The following MYLK variants were observed in gnomAD, a reference collection of about 807,000 sequenced individuals.
The protein encoded by MYLK is myosin light chain kinase, also known as myosin light chain kinase, smooth muscle.
In MYLK, 106 loss-of-function variants were observed where a neutral mutation model predicts 203.4. That is an observed-to-expected ratio of 0.52 (90% confidence interval 0.45 to 0.61). The LOEUF (loss-of-function observed/expected upper bound fraction) is 0.61. Ranked by LOEUF, MYLK falls within the 20% of genes least tolerant of loss-of-function variation. The probability of loss-of-function intolerance (pLI) is 0.00; values close to 1 mark genes in which losing one functional copy is unlikely to be tolerated. For missense variants in MYLK, 2,072 were observed against 2,442.3 expected, an observed-to-expected ratio of 0.85 and a Z score of 3.20; for synonymous variants, 867 against 959.5, an observed-to-expected ratio of 0.90 and a Z score of 1.78.
Position 123,831,616 on chromosome 3 carries a change from G to C in MYLK, c.-72C>G, listed in dbSNP as rs2700352. On this transcript the variant is annotated 5_prime_UTR_variant, in exon 3 of 34. Transcript: ENST00000360304. ...ACAGGAAAGGCGTCCTGAAGCTCTC[G>C]GCTGGGAAGCTCCTGAAGTTGCTCT... 3.4e-6 allele frequency: 1 copy of C among 290,632 alleles called. No homozygotes were observed. Among genetic ancestry groups the C allele is most frequent in the Non-Finnish European group, 6.5e-6 (1 of 153,406 alleles). The allele number at this position is 290,632 out of a possible 1,614,324, so 18.0% of individuals were successfully genotyped here. A position where few individuals can be genotyped will look rare whatever the true frequency, so the allele number is the denominator to read the frequency against.
chr3:123,783,650 G>C (rs1231662061), intron 4 of MYLK, among the ~76,000 whole-genome samples: 2 of 151,762 alleles, frequency 1.3e-5, no homozygotes, highest in Admixed American at 6.7e-5. Flanking sequence ...AAAAATTCAA[G>C]CAATAAGAAT....
At chr3:123,871,848 C>G (rs1016475077) in intron 2 of MYLK, among the ~76,000 whole-genome samples, 2 of 61,098 alleles carry the variant, frequency 3.3e-5, no homozygotes, top group Non-Finnish European at 1.0e-4. Flanking sequence ...ACAAAGACAT[C>G]GGATCAATAT....
At chr3:123,734,909 C>G (rs1284183419) in intron 9 of MYLK, 2 of 231,860 alleles carry the variant, frequency 8.6e-6, no homozygotes, top group Admixed American at 4.9e-5. Flanking sequence ...CTATTCTAAT[C>G]AGTGCCTTCC....
intron 23 of MYLK, among the ~76,000 whole-genome samples, chr3:123,660,409 C>T (rs1318956222): frequency 6.6e-6 from 1 of 152,178 alleles, no homozygotes; most frequent in Non-Finnish European, 1.5e-5. Flanking sequence ...AAGAGACCTG[C>T]TTTTCTCGTG....
At chr3:123,669,267 C>T (rs10511420) in intron 20 of MYLK, among the ~76,000 whole-genome samples, 12,122 of 152,226 alleles carry the variant, frequency 0.08, 515 homozygotes, top group Middle Eastern at 0.14. Flanking sequence ...TCCATCCGTC[C>T]ATCTCCAAAA....
chr3:123,766,030 G>A (rs905577805), intron 4 of MYLK, among the ~76,000 whole-genome samples: 1 of 152,164 alleles, frequency 6.6e-6, no homozygotes, highest in Non-Finnish European at 1.5e-5. Context: ...TGTACTTAGT[G>A]CCGCTGAACT....
chr3:123,814,091 A>G (rs548095850), intron 3 of MYLK: 3 of 278,498 alleles, frequency 1.1e-5, no homozygotes, highest in Admixed American at 4.0e-5. Flanking sequence ...GCTGTGTCAA[A>G]TTTGGTGCCT....
intron 27 of MYLK, among the ~76,000 whole-genome samples, chr3:123,645,688 C>A (rs2058993138): frequency 6.6e-6 from 1 of 152,184 alleles, no homozygotes; most frequent in Non-Finnish European, 1.5e-5. Context: ...ACAAACGATG[C>A]TTGTTTGTAA....
At chr3:123,837,965 T>C (rs928773573) in intron 2 of MYLK, among the ~76,000 whole-genome samples, 16 of 152,298 alleles carry the variant, frequency 1.1e-4, no homozygotes, top group African/African-American at 3.4e-4. Flanking sequence ...ATAATTGGAA[T>C]CTCAGAAAGA....
chr3:123,708,836 C>A lies in MYLK; in HGVS notation c.2002G>T (p.Asp668Tyr), dbSNP rs749221243. Residue 668 changes from aspartate to tyrosine, a missense_variant, in exon 15 of 34, where the codon GAC becomes TAC. This residue lies in a region of MYLK where 865 missense variants were observed against 1,016.0 expected (regional missense o/e 0.85). Transcript: ENST00000360304. Reference protein sequence around the residue: ...HNGNEIQESEDFHFEQRGTQH... With the variant: ...HNGNEIQESEYFHFEQRGTQH... ...GTTCCTCTCTGTTCAAAGTGGAAGT[C>A]CTCTGACTCTTGGATCTCATTCCCA... 8 of 1,614,136 alleles carry A rather than the reference C, an allele frequency of 5.0e-6. No homozygotes were observed. Among genetic ancestry groups the A allele is most frequent in the Non-Finnish European group, 6.8e-6 (8 of 1,180,024 alleles).
At chr3:123,710,322 C>A (rs781502878) in intron 13 of MYLK, among the ~76,000 whole-genome samples, 1 of 146,608 alleles carries the variant, frequency 6.8e-6, no homozygotes, top group South Asian at 2.4e-4. Flanking sequence ...AAATGATCTA[C>A]GTGTGTAACA....
chr3:123,679,865 C>T (rs1028348713), intron 20 of MYLK, among the ~76,000 whole-genome samples: 2 of 152,128 alleles, frequency 1.3e-5, no homozygotes, highest in Non-Finnish European at 2.9e-5. Flanking sequence ...TGAGGGTCCC[C>T]GAGGCAGTTC....
intron 4 of MYLK, among the ~76,000 whole-genome samples, chr3:123,779,679 A>T (rs1364961051): frequency 1.3e-5 from 2 of 152,240 alleles, no homozygotes; most frequent in Non-Finnish European, 2.9e-5. Context: ...AGAGAAGAAC[A>T]AGTGAGTCTA....
chr3:123,854,141 G>A lies in MYLK; in HGVS notation c.-127+22418C>T, dbSNP rs533188052. On this transcript the variant is annotated intron_variant, in intron 2 of 33. Transcript: ENST00000360304. ...GGCTATCCTAGATCATCTAGTCGCC[G>A]GCTGACCATAGAGGCATGATAGAGT... Among the ~76,000 whole-genome samples the A allele has an allele frequency of 9.4e-5, 14 of 148,508 alleles. No homozygotes were observed. In the East Asian group the frequency reaches 1.6e-3, roughly 17 times the overall value.
intron 32 of MYLK, 95 bp downstream of exon 32, chr3:123,620,109 TAAA>T: frequency 3.4e-6 from 3 of 876,450 alleles, no homozygotes; most frequent in East Asian, 2.7e-5. Flanking sequence ...AATATTAAAA[TAAA>T]AAAAAAAAGA....
chr3:123,820,640 T>TTCCTTCCTTCCC (rs1560259828), intron 3 of MYLK, among the ~76,000 whole-genome samples: 1 of 116,246 alleles, frequency 8.6e-6, no homozygotes, highest in Admixed American at 1.0e-4. Context: ...CCTTCCTTCC[T>TTCCTTCCTTCCC]TCCCTCCTTC....
intron 18 of MYLK, 75 bp downstream of exon 18, chr3:123,699,945 G>A (rs1271246256): frequency 2.9e-5 from 46 of 1,602,722 alleles, no homozygotes; most frequent in Non-Finnish European, 3.4e-5. Context: ...AGGGGTCAGC[G>A]AGACCAACGC....
intron 18 of MYLK, among the ~76,000 whole-genome samples, chr3:123,697,817 TG>T (rs1463272439): frequency 6.6e-6 from 1 of 152,218 alleles, no homozygotes; most frequent in African/African-American, 2.4e-5. Context: ...CCACCTCTCC[TG>T]GTCTCTCTCT....
chr3:123,840,658 C>A (rs1288255266), intron 2 of MYLK, among the ~76,000 whole-genome samples: 2 of 151,424 alleles, frequency 1.3e-5, no homozygotes, highest in African/African-American at 4.8e-5. Context: ...AAATCCTCAA[C>A]AAAATAATGG....
Sources: gnomAD v4.1 joint callset for allele counts (sites outside exome capture counted in the v4.1 genomes callset) on GRCh38, gnomAD v4.1.1 for gene constraint, gnomAD v4.1.1 regional missense constraint, MANE v1.5 for transcripts, NCBI Gene and HGNC (gene_info 2026-07-23, HGNC 2026-07-21) for gene names.